The following AFF2 variants were observed in gnomAD, a reference collection of about 807,000 sequenced individuals.
AFF2 encodes the protein ALF transcription elongation factor 2, also known as AF4/FMR2 family member 2.
In AFF2, 14 loss-of-function variants were observed where a neutral mutation model predicts 76.9. The ratio of observed to expected loss-of-function variants is 0.18; its 90% CI spans 0.12 to 0.28. The LOEUF (loss-of-function observed/expected upper bound fraction) is 0.28. Ranked by LOEUF, AFF2 falls within the 10% of genes least tolerant of loss-of-function variation. AFF2 has a pLI of 1.00. For synonymous variants in AFF2, 398 were observed against 366.7 expected, an observed-to-expected ratio of 1.09 and a Z score of -0.98; for missense variants, 868 against 1,001.1, an observed-to-expected ratio of 0.87 and a Z score of 1.79.
chrX:148,837,358 T>C (rs1557273909), intron 4 of AFF2, among the ~76,000 whole-genome samples: 1 of 111,523 alleles, frequency 9.0e-6, no homozygotes, highest in African/African-American at 3.3e-5. Flanking sequence ...CAAAGTACAG[T>C]CTATAAGTAG....
chrX:148,742,907 G>T (rs781817943), intron 3 of AFF2, among the ~76,000 whole-genome samples: 3 of 111,491 alleles, frequency 2.7e-5, no homozygotes, highest in East Asian at 5.7e-4. Context: ...TTTGGGTTTT[G>T]TTCCAGCTTA....
intron 7 of AFF2, among the ~76,000 whole-genome samples, chrX:148,863,038 G>A (rs1015111603): frequency 2.7e-5 from 3 of 111,132 alleles, no homozygotes; most frequent in Admixed American, 9.6e-5. Context: ...ACGCATGTTT[G>A]GAATTTGTAC....
In AFF2 at chrX:149,000,374, G is replaced by C. The variant is rs782038223; in HGVS notation, c.*9042G>C. On this transcript the variant is annotated 3_prime_UTR_variant, in exon 21 of 21. Coordinates refer to ENST00000370460, the MANE Select transcript of AFF2 (RefSeq NM_002025.4). Reference sequence around the variant, plus strand: ...TCAATCAATTAATGAAATGTTATCTGGTTTTTAAAAGCTGGTTTCATGTGC... The same window carrying C: ...TCAATCAATTAATGAAATGTTATCTCGTTTTTAAAAGCTGGTTTCATGTGC... 8.9e-6 allele frequency: 1 copy of C among 112,683 alleles called. No individual in the cohort carries two copies. Among genetic ancestry groups the C allele is most frequent in the Non-Finnish European group, 1.9e-5 (1 of 53,329 alleles). The allele number at this position is 112,683 out of a possible 1,213,427, so 9.3% of individuals were successfully genotyped here. A position where few individuals can be genotyped will look rare whatever the true frequency, so the allele number is the denominator to read the frequency against.
intron 9 of AFF2, among the ~76,000 whole-genome samples, chrX:148,953,257 C>T (rs1380479298): frequency 2.7e-5 from 3 of 112,045 alleles, no homozygotes; most frequent in African/African-American, 9.7e-5. Flanking sequence ...TAAGGCACTA[C>T]ATCTATATCT....
At chrX:148,516,643 C>A (rs927945835) in intron 1 of AFF2, among the ~76,000 whole-genome samples, 1 of 111,687 alleles carries the variant, frequency 9.0e-6, no homozygotes. Flanking sequence ...AGTAGGCAAG[C>A]TTATTGCCAT....
intron 3 of AFF2, among the ~76,000 whole-genome samples, chrX:148,680,604 G>C (rs1156554800): frequency 1.8e-5 from 2 of 111,964 alleles, no homozygotes; most frequent in Non-Finnish European, 3.8e-5. Context: ...TATGGTGCTA[G>C]GGCTTTGAGA....
At chrX:148,647,737 T>C (rs1187419995) in intron 1 of AFF2, among the ~76,000 whole-genome samples, 1 of 111,335 alleles carries the variant, frequency 9.0e-6, no homozygotes, top group Non-Finnish European at 1.9e-5. Context: ...AGTTCCAGCC[T>C]CCTAGTTCTC....
chrX:148,574,718 C>A (rs1227744498), intron 1 of AFF2, among the ~76,000 whole-genome samples: 1 of 111,108 alleles, frequency 9.0e-6, no homozygotes, highest in Admixed American at 9.7e-5. Context: ...TTAGTCTTTA[C>A]CCAACTGCTA....
At chrX:148,638,447 G>A (rs1216368724) in intron 1 of AFF2, among the ~76,000 whole-genome samples, 4 of 111,201 alleles carry the variant, frequency 3.6e-5, no homozygotes, top group Non-Finnish European at 5.7e-5. Context: ...CATGGGGGAA[G>A]CCACCCGCAT....
At chrX:148,506,370 C>T (rs1420755200) in intron 1 of AFF2, among the ~76,000 whole-genome samples, 4 of 110,338 alleles carry the variant, frequency 3.6e-5, no homozygotes, top group African/African-American at 9.9e-5. Flanking sequence ...TGTGTGGATC[C>T]GAATATTTAT....
intron 9 of AFF2, among the ~76,000 whole-genome samples, chrX:148,906,708 T>A (rs1310704562): frequency 9.0e-6 from 1 of 111,455 alleles, no homozygotes; most frequent in Non-Finnish European, 1.9e-5. Flanking sequence ...CTCTATTAAA[T>A]CTTGCAACTG....
intron 1 of AFF2, among the ~76,000 whole-genome samples, chrX:148,544,877 C>T (rs182390205): frequency 8.9e-6 from 1 of 111,837 alleles, no homozygotes; most frequent in African/African-American, 3.3e-5. Context: ...TTTCTTAGAG[C>T]TTCACCCACT....
intron 1 of AFF2, among the ~76,000 whole-genome samples, chrX:148,552,304 G>A (rs937019783): frequency 7.1e-5 from 8 of 111,974 alleles, no homozygotes; most frequent in African/African-American, 9.8e-5. Flanking sequence ...GGTCAGGGTT[G>A]AAGCGTGGTA....
intron 1 of AFF2, among the ~76,000 whole-genome samples, chrX:148,567,123 A>G (rs1428950321): frequency 8.9e-6 from 1 of 111,805 alleles, no homozygotes; most frequent in Non-Finnish European, 1.9e-5. Flanking sequence ...GGAAAAATAA[A>G]TGACTGAAAT....
At chrX:148,930,330 C>T (rs190791780) in intron 9 of AFF2, among the ~76,000 whole-genome samples, 232 of 111,957 alleles carry the variant, frequency 2.1e-3, no homozygotes, top group African/African-American at 7.2e-3. Flanking sequence ...ATACCAGCTT[C>T]CTTCATTAAA....
At chrX:148,573,935 A>G (rs2053257977) in intron 1 of AFF2, among the ~76,000 whole-genome samples, 1 of 111,198 alleles carries the variant, frequency 9.0e-6, no homozygotes, top group Admixed American at 9.6e-5. Flanking sequence ...TCCAAATTAA[A>G]AATCTTGGAG....
At chrX:148,514,846 T>G (rs187873040) in intron 1 of AFF2, among the ~76,000 whole-genome samples, 2 of 112,627 alleles carry the variant, frequency 1.8e-5, no homozygotes. Context: ...CATCATGGTC[T>G]TATTTCACTG....
At chrX:148,720,952 G>T (rs2055084286) in intron 3 of AFF2, among the ~76,000 whole-genome samples, 1 of 111,534 alleles carries the variant, frequency 9.0e-6, no homozygotes, top group Non-Finnish European at 1.9e-5. Context: ...AGAGATATTT[G>T]TCCTCCATAG....
rs781980406 is a variant in AFF2, at chrX:148,707,505, C to CT, written c.1041+44746dup. Among the ~76,000 whole-genome samples, 196 of 106,291 alleles carry CT rather than the reference C, an allele frequency of 1.8e-3. 1 individual carries two copies. The East Asian group carries it at 0.023, about 12-fold the overall frequency. The allele number at this position is 106,291 out of a possible 115,157, so 92.3% of individuals were successfully genotyped here. A position where few individuals can be genotyped will look rare whatever the true frequency, so the allele number is the denominator to read the frequency against. ...GAAAATAATATATATATTTTTTTTC[C>CT]TTTTTTTTTGTCATTTGGGGGAAGG... On this transcript the variant is annotated intron_variant, in intron 3 of 20. Transcript: ENST00000370460.
Sources: allele counts gnomAD v4.1 joint callset (sites outside exome capture counted in the v4.1 genomes callset), GRCh38; gene constraint gnomAD v4.1.1; transcripts MANE v1.5; gene names NCBI Gene and HGNC (gene_info 2026-07-23, HGNC 2026-07-21).